Variants in GMDS observed in about 807,000 individuals in gnomAD.
GMDS encodes GDP-mannose 4,6 dehydratase.
Under a neutral mutation model 49.9 loss-of-function variants are expected in GMDS, and 20 were observed. The observed-to-expected ratio is 0.40, with a 90% CI of 0.28 to 0.58. The LOEUF (loss-of-function observed/expected upper bound fraction) is 0.58. Among genes scored for constraint, GMDS ranks in the 20% least tolerant of loss-of-function variants. GMDS has a pLI of 0.42. For synonymous variants in GMDS, 177 were observed against 178.6 expected (o/e 0.99, Z 0.07); for missense variants, 362 against 481.4 (o/e 0.75, Z 2.32).
intron 1 of GMDS, among the ~76,000 whole-genome samples, chr6:2,164,847 G>A (rs1777584468): frequency 6.6e-6 from 1 of 152,210 alleles, no homozygotes; most frequent in African/African-American, 2.4e-5. Context: ...AAAATAAAAT[G>A]CTTGAGCTCA....
intron 7 of GMDS, among the ~76,000 whole-genome samples, chr6:1,878,042 G>C (rs577396747): frequency 6.6e-6 from 1 of 152,042 alleles, no homozygotes; most frequent in Non-Finnish European, 1.5e-5. Flanking sequence ...TGCTGGGCGC[G>C]GTGGCTCACG....
intron 1 of GMDS, among the ~76,000 whole-genome samples, chr6:2,131,157 G>A (rs932794549): frequency 6.6e-6 from 1 of 152,022 alleles, no homozygotes; most frequent in Non-Finnish European, 1.5e-5. Context: ...ATTAGAGCAA[G>A]GAAGAACGCA....
intron 7 of GMDS, among the ~76,000 whole-genome samples, chr6:1,859,535 T>C (rs1436936563): frequency 6.6e-6 from 1 of 152,202 alleles, no homozygotes; most frequent in Non-Finnish European, 1.5e-5. Context: ...ATGCTGCACT[T>C]CAAACCTTTG....
intron 6 of GMDS, among the ~76,000 whole-genome samples, chr6:1,959,425 T>A (rs757728468): frequency 5.3e-5 from 8 of 152,206 alleles, no homozygotes; most frequent in Non-Finnish European, 8.8e-5. Context: ...TGGACGTCTA[T>A]TTAATGAAAT....
chr6:2,218,819 T>C (rs191343777), intron 1 of GMDS, among the ~76,000 whole-genome samples: 1 of 152,322 alleles, frequency 6.6e-6, no homozygotes, highest in Admixed American at 6.5e-5. Flanking sequence ...TTCTATACAT[T>C]ATGAAACTGA....
chr6:2,032,069 G>A lies in GMDS; in HGVS notation c.346-71103C>T, dbSNP rs117582054. Reference sequence around the variant, plus strand: ...ACACACAAAGATCCATAAAGAACAAGTGTAGAAGTTAGAACCTCTCAATGA... The same window carrying A: ...ACACACAAAGATCCATAAAGAACAAATGTAGAAGTTAGAACCTCTCAATGA... On this transcript the variant is annotated intron_variant, in intron 4 of 10. Transcript: ENST00000380815. 1.4e-4 allele frequency among the ~76,000 whole-genome samples: 21 copies of A among 152,268 alleles called. No individual in the cohort carries two copies. In the East Asian group the frequency reaches 3.3e-3, roughly 24 times the overall value.
At chr6:1,753,895 G>T (rs1767834800) in intron 7 of GMDS, among the ~76,000 whole-genome samples, 1 of 152,142 alleles carries the variant, frequency 6.6e-6, no homozygotes, top group African/African-American at 2.4e-5. Context: ...TGTTTAGAGG[G>T]TAATTTATAG....
rs183147192 is a variant in GMDS, at chr6:2,097,681, G to A, written c.345+18090C>T. Among the ~76,000 whole-genome samples, 349 of 144,206 alleles carry A rather than the reference G, an allele frequency of 2.4e-3. 5 individuals are homozygous for A. Among genetic ancestry groups the A allele is most frequent in the Admixed American group, 0.02 (299 of 15,012 alleles). The allele number at this position is 144,206 out of a possible 152,430, so 94.6% of individuals were successfully genotyped here. ...TTTGACAAAGCAAGGGAGAGGCCAC[G>A]GGAAGAAGAGCTTTAGCTCCCAGTG... On this transcript the variant is annotated intron_variant, in intron 4 of 10. Coordinates refer to ENST00000380815, the MANE Select transcript of GMDS (RefSeq NM_001500.4).
intron 7 of GMDS, among the ~76,000 whole-genome samples, chr6:1,859,796 A>AAT (rs1758101220): frequency 6.6e-6 from 1 of 152,200 alleles, no homozygotes; most frequent in South Asian, 2.1e-4. Flanking sequence ...CAGCCCTTAC[A>AAT]ATAGTCACAT....
At chr6:2,203,952 G>A (rs1779669999) in intron 1 of GMDS, among the ~76,000 whole-genome samples, 1 of 152,220 alleles carries the variant, frequency 6.6e-6, no homozygotes, top group Non-Finnish European at 1.5e-5. Flanking sequence ...GAGGGTGGGA[G>A]GGTGTGATTT....
At chr6:2,066,446 T>C (rs1771598036) in intron 4 of GMDS, among the ~76,000 whole-genome samples, 1 of 149,650 alleles carries the variant, frequency 6.7e-6, no homozygotes, top group Non-Finnish European at 1.5e-5. Flanking sequence ...ATGGACTAAA[T>C]GCTCCAATTA....
At chr6:1,903,954 C>T (rs10458131) in intron 7 of GMDS, among the ~76,000 whole-genome samples, 5,971 of 152,222 alleles carry the variant, frequency 0.039, 169 homozygotes, top group Non-Finnish European at 0.056. Flanking sequence ...CAAGCTATGA[C>T]ATTTTGACTG....
At chr6:2,099,036 ATAC>A (rs1224536572) in intron 4 of GMDS, among the ~76,000 whole-genome samples, 6 of 152,102 alleles carry the variant, frequency 3.9e-5, no homozygotes, top group Non-Finnish European at 8.8e-5. Context: ...TGTGCTTGGG[ATAC>A]TACAATACTG....
intron 6 of GMDS, among the ~76,000 whole-genome samples, chr6:1,956,018 G>A (rs1763617114): frequency 6.6e-6 from 1 of 152,172 alleles, no homozygotes; most frequent in Non-Finnish European, 1.5e-5. Flanking sequence ...ATACAGCAGT[G>A]AAGTACAACA....
At chr6:1,786,821 T>A (rs1399131924) in intron 7 of GMDS, among the ~76,000 whole-genome samples, 2 of 151,880 alleles carry the variant, frequency 1.3e-5, no homozygotes, top group Non-Finnish European at 2.9e-5. Context: ...ATCACTGCAG[T>A]AAGTTGAAAA....
chr6:2,221,450 G>T (rs890470101), intron 1 of GMDS, among the ~76,000 whole-genome samples: 1 of 151,776 alleles, frequency 6.6e-6, no homozygotes, highest in Non-Finnish European at 1.5e-5. Flanking sequence ...GCGCAATCTC[G>T]GCTCACTGCA....
intron 1 of GMDS, among the ~76,000 whole-genome samples, chr6:2,200,827 T>G (rs34854877): frequency 1.1e-5 from 1 of 90,660 alleles, no homozygotes; most frequent in African/African-American, 4.5e-5. Context: ...ATCCGAGATG[T>G]AACCATCTAG....
chr6:1,675,055 A>G (rs1158761035), intron 9 of GMDS, among the ~76,000 whole-genome samples: 1 of 152,066 alleles, frequency 6.6e-6, no homozygotes, highest in Non-Finnish European at 1.5e-5. Flanking sequence ...CTCCTGCCTC[A>G]GCCTCCCAAG....
At chr6:1,747,020 A>C (rs1418800445) in intron 7 of GMDS, among the ~76,000 whole-genome samples, 1 of 152,122 alleles carries the variant, frequency 6.6e-6, no homozygotes, top group Non-Finnish European at 1.5e-5. Context: ...AAATTTTAAA[A>C]TGTCAAATAA....
Sources: allele counts gnomAD v4.1 joint callset (sites outside exome capture counted in the v4.1 genomes callset), GRCh38; gene constraint gnomAD v4.1.1; transcripts MANE v1.5; gene names NCBI Gene and HGNC (gene_info 2026-07-23, HGNC 2026-07-21).